SAMD4B: variants seen among roughly 807,000 people sequenced by gnomAD.
SAMD4B encodes the protein protein Smaug homolog 2.
SAMD4B carries 5 observed loss-of-function variants against 74.5 expected under a neutral mutation model. The observed-to-expected ratio is 0.07, with a 90% CI of 0.04 to 0.14. The LOEUF is 0.14. Ranked by LOEUF, SAMD4B falls within the 10% of genes least tolerant of loss-of-function variation. The pLI, the probability that SAMD4B is intolerant of heterozygous loss-of-function variation, is 1.00. For synonymous variants in SAMD4B, 373 were observed against 374.9 expected, an observed-to-expected ratio of 1.00 and a Z score of 0.06; for missense variants, 608 against 921.8, an observed-to-expected ratio of 0.66 and a Z score of 4.41.
chr19:39,388,536 A>G, downstream of SAMD4B: 1 of 1,613,666 alleles, frequency 6.2e-7, no homozygotes, highest in Non-Finnish European at 8.5e-7. Flanking sequence ...CCCAATCCCC[A>G]AAACTTAACC....
At chr19:39,370,155 T>C (rs748316995) in intron 4 of SAMD4B, 30 bp downstream of exon 4, 3 of 1,548,334 alleles carry the variant, frequency 1.9e-6, no homozygotes, top group East Asian at 2.4e-5. Context: ...CAGAAGGCCA[T>C]GCCTACTTGA....
Position 39,381,056 on chromosome 19 carries a change from C to T in SAMD4B, c.1915C>T (p.Arg639Cys), listed in dbSNP as rs372431375. 1.9e-6 allele frequency: 3 copies of T among 1,612,884 alleles called. No homozygotes were observed. The highest frequency in any genetic ancestry group is 1.7e-6 in the Non-Finnish European group (2 of 1,179,912). ...CAGTCAGAGCCGCAGCTCTGTGCAG[C>T]GCACCCACTCGCTCCCGGTCCACTC... Reference protein sequence around the residue: ...MPSQSRSSVQRTHSLPVHSSP... With the variant: ...MPSQSRSSVQCTHSLPVHSSP... The change falls in exon 12 of 14, where the codon CGC becomes TGC. Residue 639 changes from arginine to cysteine, a missense_variant. By Grantham distance (180) the Arg-to-Cys change is radical (BLOSUM62 -3). Transcript: ENST00000610417.
downstream of SAMD4B, chr19:39,388,561 C>A: frequency 6.2e-7 from 1 of 1,612,912 alleles, no homozygotes; most frequent in Non-Finnish European, 8.5e-7. Flanking sequence ...CCCACGCACA[C>A]ATCATCTGGT....
chr19:39,352,190 C>G (rs1217368996), intron 1 of SAMD4B: 1 of 152,164 alleles, frequency 6.6e-6, no homozygotes, highest in Non-Finnish European at 1.5e-5. Context: ...AACTGTTTCA[C>G]TAAAGCCTCC....
chr19:39,365,909 G>A lies in SAMD4B; in HGVS notation c.197-3746G>A, dbSNP rs535627624. On this transcript the variant is annotated intron_variant, in intron 3 of 13. Coordinates refer to ENST00000610417, the MANE Select transcript of SAMD4B (RefSeq NM_001384574.2). ...GACTTTGAATGAATGGATTTAACAGGTGTTCCCTTGGCTGGGCACAGTGGC... is the reference window on the plus strand; with the variant it reads ...GACTTTGAATGAATGGATTTAACAGATGTTCCCTTGGCTGGGCACAGTGGC... 7.2e-4 allele frequency among the ~76,000 whole-genome samples: 110 copies of A among 152,256 alleles called. 1 individual carries two copies. The highest frequency in any genetic ancestry group is 2.3e-3 in the African/African-American group (96 of 41,550).
chr19:39,366,782 T>TA (rs1211113474), intron 3 of SAMD4B, among the ~76,000 whole-genome samples: 1 of 152,102 alleles, frequency 6.6e-6, no homozygotes, highest in Non-Finnish European at 1.5e-5. Flanking sequence ...AAGTCAATCC[T>TA]GAAGCATGCT....
chr19:39,380,934 T>C, intron 11 of SAMD4B, 56 bp from the exon 12 acceptor site: 1 of 1,553,606 alleles, frequency 6.4e-7, no homozygotes, highest in Non-Finnish European at 8.7e-7. Context: ...TCCACCACTC[T>C]TGGGTCTGGG....
intron 3 of SAMD4B, among the ~76,000 whole-genome samples, chr19:39,358,068 C>T (rs1050591713): frequency 3.9e-5 from 6 of 152,040 alleles, no homozygotes; most frequent in Non-Finnish European, 8.8e-5. Flanking sequence ...GTCGGGAGTT[C>T]GAGACCAGCC....
intron 4 of SAMD4B, among the ~76,000 whole-genome samples, chr19:39,373,173 G>T (rs550821045): frequency 2.0e-5 from 3 of 152,162 alleles, no homozygotes; most frequent in Non-Finnish European, 4.4e-5. Context: ...GTCAACTCCC[G>T]TGGGAACTGG....
At chr19:39,369,395 C>T in intron 3 of SAMD4B, 1 of 488,696 alleles carries the variant, frequency 2.0e-6, no homozygotes, top group Non-Finnish European at 3.7e-6. Context: ...TGGGATTGCA[C>T]TTGTGAATAG....
Position 39,377,587 on chromosome 19 carries a change from G to A in SAMD4B, c.1207G>A (p.Ala403Thr). 6.2e-7 allele frequency: 1 copy of A among 1,613,908 alleles called. No individual in the cohort carries two copies. Among genetic ancestry groups the A allele is most frequent in the South Asian group, 1.1e-5 (1 of 91,022 alleles). Residue 403 changes from alanine to threonine, a missense_variant, in exon 8 of 14, where the codon GCC (alanine) becomes ACC (threonine). Physicochemically the swap from Ala to Thr is moderately conservative, Grantham distance 58. Around this residue, in one of 9 missense-constraint regions of SAMD4B, gnomAD observed 99 missense variants for 112.1 expected, o/e 0.88. Coordinates refer to ENST00000610417, the MANE Select transcript of SAMD4B (RefSeq NM_001384574.2). Reference protein sequence around the residue: ...AYSVLQATVAAATTTPTAKDG... With the variant: ...AYSVLQATVATATTTPTAKDG... Reference sequence around the variant, plus strand: ...CAGTGTCCTCCAGGCCACCGTGGCTGCCGCCACCACCACCCCTACTGCCAA... The same window carrying A: ...CAGTGTCCTCCAGGCCACCGTGGCTACCGCCACCACCACCCCTACTGCCAA...
intron 1 of SAMD4B, among the ~76,000 whole-genome samples, chr19:39,345,585 C>T (rs1052338179): frequency 6.6e-6 from 1 of 152,190 alleles, no homozygotes; most frequent in African/African-American, 2.4e-5. Flanking sequence ...CAAGACCCCT[C>T]CACCTCCATT....
chr19:39,387,259 T>G (rs2078273194), downstream of SAMD4B: 1 of 379,898 alleles, frequency 2.6e-6, no homozygotes, highest in Non-Finnish European at 5.4e-6. Context: ...TAGTAAGTAT[T>G]TGTGTATCTA....
chr19:39,387,325 G>GC, downstream of SAMD4B: 1 of 247,752 alleles, frequency 4.0e-6, no homozygotes, highest in East Asian at 9.9e-5. Flanking sequence ...ACCACCATAA[G>GC]CAGTCCATTG....
At chr19:39,364,192 C>A (rs573714919) in intron 3 of SAMD4B, among the ~76,000 whole-genome samples, 3 of 152,224 alleles carry the variant, frequency 2.0e-5, no homozygotes, top group Admixed American at 6.5e-5. Flanking sequence ...CCTGGCAGTA[C>A]CAGAGAAGCT....
chr19:39,368,441 A>G (rs1165399236), intron 3 of SAMD4B, among the ~76,000 whole-genome samples: 1 of 152,164 alleles, frequency 6.6e-6, no homozygotes, highest in East Asian at 1.9e-4. Flanking sequence ...GAGCTTGGAT[A>G]AATACATACT....
chr19:39,390,333 T>G (rs1449003982), downstream of SAMD4B: 1 of 1,574,156 alleles, frequency 6.4e-7, no homozygotes, highest in Admixed American at 1.8e-5. Flanking sequence ...GAGGACGGGA[T>G]TGACAGGAGA....
At chr19:39,386,493 G>A (rs1266879801), downstream of SAMD4B, 3 of 1,613,998 alleles carry the variant, frequency 1.9e-6, no homozygotes, top group Admixed American at 5.0e-5. This position sits in a 1 kb window ranked among gnomAD's most constrained non-coding sequence, Gnocchi z 6.1. Context: ...TGAGCCCCCA[G>A]CTTCTTTCTC....
In SAMD4B at chr19:39,376,770, C is replaced by T. The variant is rs192524921; in HGVS notation, c.1083C>T (p.Ser361=). ...TCCAGAAGCTGCGTGAGAGACAGAGCGTCCTCAAGTCCCTAGAGAAGGTGA... is the reference window on the plus strand; with the variant it reads ...TCCAGAAGCTGCGTGAGAGACAGAGTGTCCTCAAGTCCCTAGAGAAGGTGA... ...LSIQKLRERQ[S]VLKSLEKDVL... The change falls in exon 7 of 14, where the codon AGC becomes AGT. Residue 361 remains serine (S), a synonymous_variant. Coordinates refer to ENST00000610417, the MANE Select transcript of SAMD4B (RefSeq NM_001384574.2). The T allele has an allele frequency of 2.5e-6, 4 of 1,614,112 alleles. No individual in the cohort carries two copies. The highest frequency in any genetic ancestry group is 2.2e-5 in the East Asian group (1 of 44,886).
Sources: gnomAD v4.1 joint callset for allele counts (sites outside exome capture counted in the v4.1 genomes callset) on GRCh38, gnomAD v4.1.1 for gene constraint, gnomAD v4.1.1 regional missense constraint, Gnocchi (gnomAD v3.1) non-coding constraint, MANE v1.5 for transcripts, NCBI Gene and HGNC (gene_info 2026-07-23, HGNC 2026-07-21) for gene names.